The following MSRA variants were observed in gnomAD, a reference collection of about 807,000 sequenced individuals.
MSRA encodes methionine sulfoxide reductase A, also known as mitochondrial peptide methionine sulfoxide reductase.
In MSRA, 54 loss-of-function variants were observed where a neutral mutation model predicts 31.3. That is an observed-to-expected ratio of 1.73 (90% confidence interval 1.39 to 2.17). The LOEUF (loss-of-function observed/expected upper bound fraction) is 2.17. MSRA is among the 30% of genes most tolerant of loss of function. MSRA has a pLI of 0.00. For synonymous variants in MSRA, 169 were observed against 116.5 expected (o/e 1.45, Z -2.90); for missense variants, 507 against 300.9 (o/e 1.69, Z -5.07).
At chr8:10,241,453 C>G (rs1257181493) in intron 2 of MSRA, among the ~76,000 whole-genome samples, 1 of 152,202 alleles carries the variant, frequency 6.6e-6, no homozygotes, top group African/African-American at 2.4e-5. Flanking sequence ...GTTTAAAAAA[C>G]TCTTCGATTA....
intron 1 of MSRA, among the ~76,000 whole-genome samples, chr8:10,198,354 C>A (rs920953703): frequency 6.6e-6 from 1 of 151,834 alleles, no homozygotes; most frequent in African/African-American, 2.4e-5. Flanking sequence ...CCACTCAACT[C>A]CATATATATT....
chr8:10,301,204 C>T (rs1213979773), intron 3 of MSRA, among the ~76,000 whole-genome samples: 1 of 152,172 alleles, frequency 6.6e-6, no homozygotes, highest in Non-Finnish European at 1.5e-5. Flanking sequence ...TTCTTGAGCG[C>T]TATGTCAGGG....
chr8:10,280,815 G>T (rs1799582763), intron 3 of MSRA, among the ~76,000 whole-genome samples: 1 of 152,192 alleles, frequency 6.6e-6, no homozygotes, highest in Non-Finnish European at 1.5e-5. Context: ...ATAAAATAAG[G>T]TATACACGTA....
chr8:10,203,259 G>A (rs1349043110), intron 1 of MSRA, among the ~76,000 whole-genome samples: 1 of 152,126 alleles, frequency 6.6e-6, no homozygotes, highest in Non-Finnish European at 1.5e-5. Context: ...CTAGGTAAAT[G>A]GGAAAGGGAA....
Position 10,184,669 on chromosome 8 carries a change from T to C in MSRA, c.143-23164T>C, listed in dbSNP as rs1282820875. Among the ~76,000 whole-genome samples, 5 of 152,302 alleles carry C rather than the reference T, an allele frequency of 3.3e-5. No individual in the cohort carries two copies. The East Asian group carries it at 9.7e-4, about 29-fold the overall frequency. On this transcript the variant is annotated intron_variant, in intron 1 of 5. Coordinates refer to ENST00000317173, the MANE Select transcript of MSRA (RefSeq NM_012331.5). ...TCAGCTTGCCTCGTCCATCTCCCCA[T>C]TTGTTTTCACTGATCTACTTAACAA... is the stretch of plus-strand genomic sequence containing the variant.
intron 5 of MSRA, among the ~76,000 whole-genome samples, chr8:10,363,204 A>C (rs1441457543): frequency 3.9e-5 from 6 of 152,162 alleles, no homozygotes; most frequent in Admixed American, 3.9e-4. Flanking sequence ...TTCATTTTCC[A>C]GCTGGGAGAG....
At position 10,280,829 on chromosome 8, in the gene MSRA, C is replaced by T. The variant is rs1352507928; in HGVS notation, c.332-20705C>T. On this transcript the variant is annotated intron_variant, in intron 3 of 5. Transcript: ENST00000317173. The stretch of plus-strand genomic sequence containing the variant: ...AATAAAATAAGGTATACACGTACAA[C>T]AGCGTGAACTACTAATGCACACAAC... 2.6e-5 allele frequency among the ~76,000 whole-genome samples: 4 copies of T among 152,220 alleles called. No homozygotes were observed. In the South Asian group the frequency reaches 6.2e-4, roughly 24 times the overall value.
chr8:10,253,742 C>T (rs374502580), intron 3 of MSRA, among the ~76,000 whole-genome samples: 14 of 105,038 alleles, frequency 1.3e-4, no homozygotes, highest in African/African-American at 3.8e-4. Context: ...AGAAAATAAC[C>T]TTATGGGGGT....
intron 1 of MSRA, among the ~76,000 whole-genome samples, chr8:10,076,200 C>G (rs1386689874): frequency 6.6e-6 from 1 of 152,218 alleles, no homozygotes; most frequent in Non-Finnish European, 1.5e-5. Context: ...AGAATGGTAC[C>G]TGGCTCCTGC....
intron 1 of MSRA, among the ~76,000 whole-genome samples, chr8:10,063,006 G>A (rs149558247): frequency 6.6e-6 from 1 of 152,086 alleles, no homozygotes; most frequent in African/African-American, 2.4e-5. Context: ...AACCACCCTC[G>A]TCTGAAAGCT....
intron 2 of MSRA, among the ~76,000 whole-genome samples, chr8:10,237,398 T>A (rs1275582663): frequency 6.6e-6 from 1 of 152,260 alleles, no homozygotes; most frequent in Admixed American, 6.5e-5. Context: ...GTCAATTATA[T>A]ATGTTGACTA....
At chr8:10,333,993 G>T (rs1802864567) in intron 5 of MSRA, among the ~76,000 whole-genome samples, 1 of 152,116 alleles carries the variant, frequency 6.6e-6, no homozygotes, top group East Asian at 1.9e-4. Context: ...GATTAGGACA[G>T]GGCCTATACG....
At chr8:10,073,285 G>A (rs1277316081) in intron 1 of MSRA, among the ~76,000 whole-genome samples, 1 of 152,262 alleles carries the variant, frequency 6.6e-6, no homozygotes, top group East Asian at 1.9e-4. Flanking sequence ...AGTTACGGTA[G>A]TTCCTCTTTA....
At chr8:10,121,175 G>T (rs1046646574) in intron 1 of MSRA, among the ~76,000 whole-genome samples, 2 of 152,178 alleles carry the variant, frequency 1.3e-5, no homozygotes, top group Non-Finnish European at 2.9e-5. Flanking sequence ...AAAAAATTAA[G>T]ACTGTACCTT....
intron 5 of MSRA, among the ~76,000 whole-genome samples, chr8:10,375,046 T>C (rs1805681607): frequency 6.6e-6 from 1 of 152,212 alleles, no homozygotes. Flanking sequence ...GCCAAACAGA[T>C]GCTGGTGCTA....
intron 1 of MSRA, among the ~76,000 whole-genome samples, chr8:10,088,599 G>T (rs1304072864): frequency 5.3e-5 from 8 of 152,140 alleles, no homozygotes; most frequent in Admixed American, 4.6e-4. Flanking sequence ...GCTGAGTGTG[G>T]TGGCTGCATG....
At chr8:10,074,219 A>T (rs1797883867) in intron 1 of MSRA, among the ~76,000 whole-genome samples, 1 of 151,186 alleles carries the variant, frequency 6.6e-6, no homozygotes, top group African/African-American at 2.4e-5. Flanking sequence ...AGTACCTGGG[A>T]CTACATGCAC....
intron 5 of MSRA, among the ~76,000 whole-genome samples, chr8:10,357,507 T>G (rs988779428): frequency 3.3e-5 from 5 of 152,216 alleles, no homozygotes; most frequent in Non-Finnish European, 5.9e-5. Context: ...TTGAAACTCT[T>G]ATTTTCCTAT....
intron 1 of MSRA, among the ~76,000 whole-genome samples, chr8:10,165,413 C>A (rs2129044023): frequency 6.6e-6 from 1 of 152,180 alleles, no homozygotes; most frequent in African/African-American, 2.4e-5. Context: ...CAAGCTTAGG[C>A]CAGAACAGAA....
Sources: allele counts gnomAD v4.1 joint callset (sites outside exome capture counted in the v4.1 genomes callset), GRCh38; gene constraint gnomAD v4.1.1; transcripts MANE v1.5; gene names NCBI Gene and HGNC (gene_info 2026-07-23, HGNC 2026-07-21).